Variants in L3MBTL1 observed in about 807,000 individuals in gnomAD.
L3MBTL1 encodes the protein lethal(3)malignant brain tumor-like protein 1.
Under a neutral mutation model 105.3 loss-of-function variants are expected in L3MBTL1, and 75 were observed. The ratio of observed to expected loss-of-function variants is 0.71; its 90% CI spans 0.59 to 0.86. The LOEUF is 0.86. Among genes scored for constraint, L3MBTL1 ranks in the 40% least tolerant of loss-of-function variants. L3MBTL1 has a pLI of 0.00. For synonymous variants in L3MBTL1, 452 were observed against 436.2 expected (o/e 1.04, Z -0.45); for missense variants, 1,069 against 1,126.4 (o/e 0.95, Z 0.73).
chr20:43,518,625 C>G (rs2018529226), intron 7 of L3MBTL1, among the ~76,000 whole-genome samples: 1 of 151,932 alleles, frequency 6.6e-6, no homozygotes, highest in Admixed American at 6.6e-5. Flanking sequence ...TTCCAAGAAC[C>G]CCAGTGGACG....
intron 10 of L3MBTL1, 77 bp downstream of exon 10, chr20:43,530,496 T>A (rs1353532677): frequency 1.3e-6 from 2 of 1,493,408 alleles, no homozygotes; most frequent in Non-Finnish European, 1.8e-6. Context: ...GGTCCCCGGC[T>A]TCCAGCTCTT....
Position 43,516,172 on chromosome 20 carries a change from A to G in L3MBTL1, c.857A>G (p.Gln286Arg). ...TPESEEWSSS[Q>R]PATGEKKECW... ...GAGAGTGAGGAGTGGAGCAGCAGCC[A>G]GCCTGGTACGGTGGCTTGTGTGTAT... Residue 286 changes from glutamine to arginine, a missense_variant, in exon 7 of 22, where the codon CAG becomes CGG. Physicochemically the swap from Gln to Arg is conservative, Grantham distance 43. Transcript: ENST00000418998. The G allele has an allele frequency of 1.2e-6, 2 of 1,613,628 alleles. No homozygotes were observed. The highest frequency in any genetic ancestry group is 2.2e-5 in the South Asian group (2 of 91,062).
At position 43,541,165 on chromosome 20, in the gene L3MBTL1, T is replaced by A; in HGVS notation, c.*37T>A. The A allele has an allele frequency of 3.1e-6, 5 of 1,595,126 alleles. No individual in the cohort carries two copies. Among genetic ancestry groups the A allele is most frequent in the Non-Finnish European group, 4.3e-6 (5 of 1,166,936 alleles). On this transcript the variant is annotated 3_prime_UTR_variant, in exon 22 of 22. Coordinates refer to ENST00000418998, the MANE Select transcript of L3MBTL1 (RefSeq NM_001377303.1). Reference sequence around the variant, plus strand: ...TTCCCCTTTAATCCAATATAGTTGATAATTAAAGTGTATTTTGAATGACAC... The same window carrying A: ...TTCCCCTTTAATCCAATATAGTTGAAAATTAAAGTGTATTTTGAATGACAC...
Position 43,522,465 on chromosome 20 carries a change from T to G in L3MBTL1, c.863-6192T>G, listed in dbSNP as rs200714166. 2.7e-3 allele frequency among the ~76,000 whole-genome samples: 316 copies of G among 115,662 alleles called. 5 individuals are homozygous for G. The East Asian group carries it at 0.028, about 10-fold the overall frequency. The allele number at this position is 115,662 out of a possible 152,430, so 75.9% of individuals were successfully genotyped here. A position where few individuals can be genotyped will look rare whatever the true frequency, so the allele number is the denominator to read the frequency against. ...GAATTTTTCCCTGCTAAGTTTTTTT[T>G]TTTTTTTTTTTTTTTTTTTTTTTGG... On this transcript the variant is annotated intron_variant, in intron 7 of 21. Transcript: ENST00000418998.
chr20:43,534,184 G>A, intron 14 of L3MBTL1, 91 bp downstream of exon 14: 1 of 1,521,292 alleles, frequency 6.6e-7, no homozygotes, highest in Non-Finnish European at 9.1e-7. Context: ...TCCCCTTTGG[G>A]CAGGCCCCAG....
chr20:43,542,012 A>T (rs150416954), downstream of L3MBTL1: 916 of 436,308 alleles, frequency 2.1e-3, 8 homozygotes, highest in African/African-American at 0.019. Flanking sequence ...GGAGTTCAAG[A>T]CCAGCCTGGC....
At position 43,516,233 on chromosome 20, in the gene L3MBTL1, G is replaced by A. The variant is rs373570513; in HGVS notation, c.862+56G>A. The A allele has an allele frequency of 3.0e-5, 39 of 1,305,118 alleles. No homozygotes were observed. In the African/African-American group the frequency reaches 4.8e-4, roughly 16 times the overall value. The allele number at this position is 1,305,118 out of a possible 1,614,324, so 80.8% of individuals were successfully genotyped here. On this transcript the variant is annotated intron_variant, in intron 7 of 21. Transcript: ENST00000418998. ...GTGAGGTGTGTATATACCTTTGGAG[G>A]TGTGAGGCTGAGAATGTGGGTTATG...
Position 43,513,511 on chromosome 20 carries a change from G to A in L3MBTL1, c.8G>A (p.Gly3Glu). Reference protein sequence around the residue: MEGHAEMEMLRTL... With the variant: MEEHAEMEMLRTL... ...ATGGAGGGGCATGCTGGGATGGAGG[G>A]GCATGCTGAAATGGAGATGCTGAGG... is the stretch of plus-strand genomic sequence containing the variant. Residue 3 changes from glycine (G) to glutamate (E), a missense_variant, in exon 2 of 22, where the codon GGG (glycine) becomes GAG (glutamate). By Grantham distance (98) the Gly-to-Glu change is moderately conservative (BLOSUM62 -2). Coordinates refer to ENST00000418998, the MANE Select transcript of L3MBTL1 (RefSeq NM_001377303.1). 2 of 1,550,650 alleles carry A rather than the reference G, an allele frequency of 1.3e-6. No individual in the cohort carries two copies. Among genetic ancestry groups the A allele is most frequent in the African/African-American group, 1.4e-5 (1 of 73,150 alleles).
intron 9 of L3MBTL1, 131 bp from the exon 10 acceptor site, chr20:43,530,153 G>GAA (rs1424090628): frequency 5.5e-6 from 6 of 1,091,460 alleles, no homozygotes; most frequent in Non-Finnish European, 6.8e-6. Flanking sequence ...TGGGAGGAAA[G>GAA]AAAGGTGGGG....
At chr20:43,534,472 GCAT>G in intron 15 of L3MBTL1, 78 bp downstream of exon 15, 1 of 1,105,854 alleles carries the variant, frequency 9.0e-7, no homozygotes, top group Non-Finnish European at 1.4e-6. Context: ...GAGGTCAGGG[GCAT>G]CATGGCATGA....
At chr20:43,528,146 G>A (rs55710491) in intron 7 of L3MBTL1, among the ~76,000 whole-genome samples, 3,153 of 152,274 alleles carry the variant, frequency 0.021, 60 homozygotes, top group Non-Finnish European at 0.034. Context: ...ACCTGCCTCG[G>A]CCTCCCAAAG....
At chr20:43,514,490 TG>T in intron 3 of L3MBTL1, 144 bp from the exon 4 acceptor site, 3 of 1,535,332 alleles carry the variant, frequency 2.0e-6, no homozygotes, top group Non-Finnish European at 1.8e-6. Flanking sequence ...TGGTGTAGCT[TG>T]GAGTGAGGCC....
chr20:43,514,893 G>GAGGC (rs2018290688), intron 4 of L3MBTL1, 116 bp from the exon 5 acceptor site: 9 of 1,463,348 alleles, frequency 6.2e-6, no homozygotes, highest in Non-Finnish European at 8.3e-6. Context: ...AAGGCTGGAG[G>GAGGC]AGGCCATCCG....
rs771365691 is a variant in L3MBTL1 at position 43,516,189 on chromosome 20, T to C, written c.862+12T>C. ...CAGCAGCCAGCCTGGTACGGTGGCT[T>C]GTGTGTATATATATTCGTGTGAGGT... On this transcript the variant is annotated intron_variant, in intron 7 of 21. Transcript: ENST00000418998. The C allele has an allele frequency of 1.1e-5, 17 of 1,603,342 alleles. No homozygotes were observed. Among genetic ancestry groups the C allele is most frequent in the African/African-American group, 1.3e-5 (1 of 74,692 alleles).
intron 19 of L3MBTL1, among the ~76,000 whole-genome samples, chr20:43,536,667 A>G (rs553849672): frequency 1.3e-5 from 2 of 152,228 alleles, no homozygotes; most frequent in East Asian, 3.9e-4. Context: ...CATGTCCCCC[A>G]TGGCCTTGCT....
At chr20:43,509,499 T>G (rs892503800) in intron 1 of L3MBTL1, among the ~76,000 whole-genome samples, 3 of 152,228 alleles carry the variant, frequency 2.0e-5, no homozygotes, top group African/African-American at 7.2e-5. Context: ...AGTGCTAGGA[T>G]TACAGGCATG....
intron 13 of L3MBTL1, 88 bp downstream of exon 13, chr20:43,533,506 C>T: frequency 8.8e-7 from 1 of 1,132,782 alleles, no homozygotes; most frequent in South Asian, 1.4e-5. Flanking sequence ...GCCCCAGTAG[C>T]TGGCTCTCTA....
chr20:43,515,465 C>A, intron 6 of L3MBTL1, 50 bp downstream of exon 6: 2 of 1,529,674 alleles, frequency 1.3e-6, no homozygotes, highest in South Asian at 1.2e-5. Context: ...GCCTATGCCT[C>A]AATTCCCACT....
intron 9 of L3MBTL1, among the ~76,000 whole-genome samples, chr20:43,529,930 G>C (rs1022580421): frequency 1.3e-5 from 2 of 152,240 alleles, no homozygotes; most frequent in African/African-American, 4.8e-5. Context: ...TGGAAGCAGA[G>C]TGCGAGTGGG....
Sources: gnomAD v4.1 joint callset for allele counts (sites outside exome capture counted in the v4.1 genomes callset) on GRCh38, gnomAD v4.1.1 for gene constraint, MANE v1.5 for transcripts, NCBI Gene and HGNC (gene_info 2026-07-23, HGNC 2026-07-21) for gene names.